DPH5: variants seen among roughly 807,000 people sequenced by gnomAD.
The protein encoded by DPH5 is diphthine methyl ester synthase.
A neutral mutation model predicts 31.6 loss-of-function variants in DPH5; 31 were observed. That is an observed-to-expected ratio of 0.98 (90% CI 0.74 to 1.32). DPH5 has a LOEUF of 1.32. Ranked by LOEUF, DPH5 falls within the 40% of genes most tolerant of loss-of-function variation. The probability of loss-of-function intolerance (pLI) is 0.00; values close to 1 mark genes in which losing one functional copy is unlikely to be tolerated. For missense variants in DPH5, 309 were observed against 335.7 expected (o/e 0.92, Z 0.62); for synonymous variants, 120 against 115.0 (o/e 1.04, Z -0.28).
chr1:101,003,565 G>A (rs1659022740), intron 4 of DPH5, among the ~76,000 whole-genome samples: 1 of 152,068 alleles, frequency 6.6e-6, no homozygotes, highest in Admixed American at 6.5e-5. Flanking sequence ...TACAAAATGG[G>A]TATAATAACT....
At chr1:100,994,771 C>T (rs957291148) in intron 6 of DPH5, among the ~76,000 whole-genome samples, 2 of 152,184 alleles carry the variant, frequency 1.3e-5, no homozygotes, top group Non-Finnish European at 2.9e-5. Flanking sequence ...AAACAATCCA[C>T]CTGCCTCAGC....
chr1:101,004,894 A>T (rs1659119670), intron 4 of DPH5, among the ~76,000 whole-genome samples: 1 of 152,238 alleles, frequency 6.6e-6, no homozygotes, highest in Admixed American at 6.5e-5. Context: ...AATGGCATTA[A>T]GCCATTACCC....
chr1:101,000,498 C>T (rs11583043), intron 5 of DPH5, among the ~76,000 whole-genome samples: 42,156 of 152,042 alleles, frequency 0.28, 6,103 homozygotes, highest in African/African-American at 0.35. Flanking sequence ...CACAAATAGT[C>T]TGAGAAGTAC....
intron 4 of DPH5, among the ~76,000 whole-genome samples, chr1:101,007,697 A>G (rs1296143310): frequency 1.3e-5 from 2 of 151,900 alleles, no homozygotes; most frequent in African/African-American, 4.8e-5. Flanking sequence ...CCTGGGCGAC[A>G]GAGCAAGACT....
chr1:101,007,351 T>G (rs1558042044), intron 4 of DPH5, among the ~76,000 whole-genome samples: 1 of 152,226 alleles, frequency 6.6e-6, no homozygotes, highest in Non-Finnish European at 1.5e-5. Context: ...CAATGCTAAA[T>G]GGAAGCAATT....
At chr1:100,997,732 C>A (rs1658491496) in intron 5 of DPH5, among the ~76,000 whole-genome samples, 1 of 152,150 alleles carries the variant, frequency 6.6e-6, no homozygotes, top group African/African-American at 2.4e-5. Flanking sequence ...TTCTTCCTTC[C>A]CTGTTCTGTT....
intron 3 of DPH5, 80 bp downstream of exon 3, chr1:101,021,561 T>C: frequency 1.7e-5 from 25 of 1,430,512 alleles, no homozygotes; most frequent in Non-Finnish European, 2.4e-5. Flanking sequence ...CAGGTAAAAG[T>C]GTTAAATGCA....
At chr1:101,002,156 G>T (rs1487998011) in intron 4 of DPH5, among the ~76,000 whole-genome samples, 1 of 152,162 alleles carries the variant, frequency 6.6e-6, no homozygotes, top group African/African-American at 2.4e-5. Flanking sequence ...TGGCAAGATT[G>T]TATTTGTTCC....
chr1:100,990,448 G>A lies in DPH5; in HGVS notation c.818C>T (p.Pro273Leu). 1 of 1,613,960 alleles carries A rather than the reference G, an allele frequency of 6.2e-7. No homozygotes were observed. The highest frequency in any genetic ancestry group is 1.1e-5 in the South Asian group (1 of 91,086). ...GCTTTGAGATTCTGAGCTATTTTCT[G>A]GTATGGAAAACAGACTTAGCATCTC... Reference protein sequence around the residue: ...EMEMLSLFSIPENSSESQSIN... With the variant: ...EMEMLSLFSILENSSESQSIN... Residue 273 changes from proline (P) to leucine (L), a missense_variant, in exon 8 of 8, where the codon CCA (proline) becomes CTA (leucine). Physicochemically the swap from Pro to Leu is moderately conservative, Grantham distance 98. Transcript: ENST00000370109.
At chr1:101,012,458 G>A (rs911493652) in intron 4 of DPH5, among the ~76,000 whole-genome samples, 1 of 152,152 alleles carries the variant, frequency 6.6e-6, no homozygotes, top group African/African-American at 2.4e-5. Flanking sequence ...CTGGACTAGG[G>A]ATCAAGAGTT....
intron 4 of DPH5, among the ~76,000 whole-genome samples, chr1:101,008,230 A>C (rs1659377492): frequency 6.6e-6 from 1 of 152,174 alleles, no homozygotes; most frequent in South Asian, 2.1e-4. Context: ...AACTACTCTT[A>C]AGTAAAACAT....
At chr1:101,001,292 A>T (rs969085885) in intron 5 of DPH5, among the ~76,000 whole-genome samples, 175 bp downstream of exon 5, 16 of 152,232 alleles carry the variant, frequency 1.1e-4, no homozygotes, top group African/African-American at 3.9e-4. Flanking sequence ...TGGTACTTGA[A>T]GCAGAAGATG....
At chr1:100,992,878 T>A (rs1264604946) in intron 6 of DPH5, 138 bp from the exon 7 acceptor site, 2 of 534,704 alleles carry the variant, frequency 3.7e-6, no homozygotes, top group Non-Finnish European at 6.7e-6. Flanking sequence ...GTACTCACTT[T>A]AAGCATACAC....
chr1:100,994,994 A>C (rs1658211877), intron 6 of DPH5, 116 bp downstream of exon 6: 1 of 675,638 alleles, frequency 1.5e-6, no homozygotes. Flanking sequence ...TAATGTTCAC[A>C]CTGTTAATGA....
At chr1:101,013,410 C>T (rs550807083) in intron 4 of DPH5, among the ~76,000 whole-genome samples, 2 of 152,162 alleles carry the variant, frequency 1.3e-5, no homozygotes, top group East Asian at 1.9e-4. Context: ...TCATGGGCCT[C>T]GACAATGCTG....
chr1:100,993,559 A>AATATAAATATATATATATATATATAT (rs1553247258), intron 6 of DPH5, among the ~76,000 whole-genome samples: 1 of 56,536 alleles, frequency 1.8e-5, no homozygotes, highest in Admixed American at 2.6e-4. Flanking sequence ...CGAAAATATA[A>AATATAAATATATATATATATATATAT]ATATATATAT....
chr1:101,000,809 G>C (rs898729466), intron 5 of DPH5, among the ~76,000 whole-genome samples: 3 of 152,138 alleles, frequency 2.0e-5, no homozygotes, highest in Admixed American at 6.5e-5. Context: ...AAAACACCAT[G>C]GCTTTCTGAA....
chr1:100,996,427 G>A (rs2101158989), intron 5 of DPH5, among the ~76,000 whole-genome samples: 1 of 152,278 alleles, frequency 6.6e-6, no homozygotes, highest in African/African-American at 2.4e-5. Flanking sequence ...ATCAAGGAGT[G>A]CATTCGTGAC....
intron 4 of DPH5, among the ~76,000 whole-genome samples, chr1:101,013,042 C>A (rs1213525503): frequency 2.0e-5 from 3 of 152,134 alleles, no homozygotes; most frequent in African/African-American, 4.8e-5. Context: ...TGTGTCTTAA[C>A]AATTGATGAT....
Sources: gnomAD v4.1 joint callset for allele counts (sites outside exome capture counted in the v4.1 genomes callset) on GRCh38, gnomAD v4.1.1 for gene constraint, MANE v1.5 for transcripts, NCBI Gene and HGNC (gene_info 2026-07-23, HGNC 2026-07-21) for gene names.